FAAH2: variants seen among roughly 807,000 people sequenced by gnomAD.
FAAH2 encodes the protein fatty-acid amide hydrolase 2.
FAAH2 carries 60 observed loss-of-function variants against 36.9 expected under a neutral mutation model. That is an observed-to-expected ratio of 1.63 (90% CI 1.32 to 2.02). The LOEUF (loss-of-function observed/expected upper bound fraction) is 2.02, where lower values mean the gene tolerates loss of function less well. Ranked by LOEUF, FAAH2 falls within the 30% of genes most tolerant of loss-of-function variation. FAAH2 has a pLI of 0.00. For synonymous variants in FAAH2, 214 were observed against 143.8 expected, an observed-to-expected ratio of 1.49 and a Z score of -3.49; for missense variants, 689 against 397.5, an observed-to-expected ratio of 1.73 and a Z score of -6.23.
intron 10 of FAAH2, among the ~76,000 whole-genome samples, chrX:57,467,054 C>T (rs773217204): frequency 9.0e-6 from 1 of 110,993 alleles, no homozygotes; most frequent in East Asian, 2.8e-4. Context: ...ATTTTTGTTA[C>T]CCTCACCACA....
chrX:57,383,873 C>T (rs2054930271), intron 7 of FAAH2, among the ~76,000 whole-genome samples: 1 of 111,724 alleles, frequency 9.0e-6, no homozygotes, highest in Non-Finnish European at 1.9e-5. Flanking sequence ...CAAGTCAATC[C>T]TAAACCAAAA....
chrX:57,448,771 G>A, intron 10 of FAAH2, 53 bp downstream of exon 10: 1 of 1,095,549 alleles, frequency 9.1e-7, no homozygotes, highest in African/African-American at 1.8e-5. Flanking sequence ...AGAGATGTAT[G>A]TTTCCAAGGA....
At chrX:57,476,487 C>T (rs1048540243) in intron 10 of FAAH2, among the ~76,000 whole-genome samples, 4 of 111,295 alleles carry the variant, frequency 3.6e-5, no homozygotes, top group Non-Finnish European at 5.7e-5. Flanking sequence ...TGATGGATTA[C>T]GTTTTGATTT....
intron 8 of FAAH2, among the ~76,000 whole-genome samples, chrX:57,445,122 C>T (rs911841274): frequency 9.0e-6 from 1 of 111,468 alleles, no homozygotes; most frequent in African/African-American, 3.3e-5. Flanking sequence ...TTGGCCCATC[C>T]TTATTGAAAG....
the FAAH2 span, among the ~76,000 whole-genome samples, chrX:57,181,460 C>A: frequency 9.0e-6 from 1 of 110,873 alleles, no homozygotes; most frequent in East Asian, 2.8e-4. Context: ...AGCCAAGAAC[C>A]AAATCAGGAA....
In FAAH2 at chrX:57,405,686, TCTGA is replaced by T. The variant is rs768385805; in HGVS notation, c.996+24661_996+24664del. On this transcript the variant is annotated intron_variant, in intron 7 of 10. Coordinates refer to ENST00000374900, the MANE Select transcript of FAAH2 (RefSeq NM_174912.4). ...TTTTAATTTTTTAAAAAAATTTTTC[TCTGA>T]CTGTGTTAATTTAAAAGAACAGTCT... 2.9e-4 allele frequency among the ~76,000 whole-genome samples: 30 copies of T among 103,113 alleles called. No homozygotes were observed. In the East Asian group the frequency reaches 5.2e-3, roughly 18 times the overall value. 89.5% of individuals were successfully genotyped at this position (103,113 alleles called of 115,157 possible).
the FAAH2 span, among the ~76,000 whole-genome samples, chrX:57,152,916 C>CCA: frequency 2.2e-4 from 24 of 110,373 alleles, no homozygotes; most frequent in African/African-American, 7.4e-4. Flanking sequence ...TGGCTCCCCC[C>CCA]CCGCTGACCT....
chrX:57,420,571 G>A (rs984090634), intron 7 of FAAH2, among the ~76,000 whole-genome samples: 7 of 109,994 alleles, frequency 6.4e-5, no homozygotes, highest in Admixed American at 2.9e-4. Flanking sequence ...CATTGATTTT[G>A]TATCCTGAGA....
rs200935273 is a variant in FAAH2, at chrX:57,418,592, G to A, written c.997-13326G>A. 4.4e-4 allele frequency among the ~76,000 whole-genome samples: 49 copies of A among 110,878 alleles called. No individual in the cohort carries two copies. In the East Asian group the frequency reaches 6.6e-3, roughly 15 times the overall value. Reference sequence around the variant, plus strand: ...CTAACCAGTCCCAATGAGATGAGCCGAGTACCTCGGTTGGAAATGCAGAAA... The same window carrying A: ...CTAACCAGTCCCAATGAGATGAGCCAAGTACCTCGGTTGGAAATGCAGAAA... On this transcript the variant is annotated intron_variant, in intron 7 of 10. Transcript: ENST00000374900.
chrX:57,303,127 T>C (rs1213675356), intron 2 of FAAH2, among the ~76,000 whole-genome samples: 1 of 111,536 alleles, frequency 9.0e-6, no homozygotes, highest in Non-Finnish European at 1.9e-5. Flanking sequence ...TCTCCATCCT[T>C]GGAAAGAACA....
the FAAH2 span, among the ~76,000 whole-genome samples, chrX:57,150,504 C>G: frequency 8.9e-6 from 1 of 112,175 alleles, no homozygotes; most frequent in African/African-American, 3.2e-5. Context: ...GATCCCTTTT[C>G]TATTATGTAA....
chrX:57,295,843 G>A (rs1216802711), intron 2 of FAAH2, among the ~76,000 whole-genome samples: 1 of 112,453 alleles, frequency 8.9e-6, no homozygotes, highest in Non-Finnish European at 1.9e-5. Flanking sequence ...CTACGCCCAC[G>A]GAGCCTCACT....
chrX:57,227,064 TA>T, the FAAH2 span, among the ~76,000 whole-genome samples: 1 of 111,743 alleles, frequency 8.9e-6, no homozygotes, highest in Non-Finnish European at 1.9e-5. Flanking sequence ...CTTTTTGTAT[TA>T]TTTTTTGGAC....
intron 2 of FAAH2, among the ~76,000 whole-genome samples, chrX:57,299,213 G>A (rs936005642): frequency 4.5e-5 from 5 of 111,836 alleles, no homozygotes; most frequent in African/African-American, 1.3e-4. Flanking sequence ...TCAATAAAAT[G>A]CTGGCAAACC....
At chrX:57,488,636 C>A in intron 10 of FAAH2, 121 bp from the exon 11 acceptor site, 1 of 698,897 alleles carries the variant, frequency 1.4e-6, no homozygotes, top group Non-Finnish European at 2.1e-6. Context: ...TTATTAAGTC[C>A]TAAGTAGATA....
Position 57,476,831 on chromosome X carries a change from G to T in FAAH2, c.1424-11926G>T, listed in dbSNP as rs768112301. 2.8e-5 allele frequency among the ~76,000 whole-genome samples: 3 copies of T among 106,961 alleles called. No individual in the cohort carries two copies. The South Asian group carries it at 1.2e-3, about 43-fold the overall frequency. The allele number at this position is 106,961 out of a possible 115,157, so 92.9% of individuals were successfully genotyped here. On this transcript the variant is annotated intron_variant, in intron 10 of 10. Transcript: ENST00000374900. ...TGTCTGGTCCTGGGCTTTTTAAATTGATGTTCTTGGACTTTTTTTTTTTTA... is the reference window on the plus strand; with the variant it reads ...TGTCTGGTCCTGGGCTTTTTAAATTTATGTTCTTGGACTTTTTTTTTTTTA...
At chrX:57,371,637 T>TGG (rs202021824) in intron 5 of FAAH2, among the ~76,000 whole-genome samples, 946 of 90,700 alleles carry the variant, frequency 0.01, 8 homozygotes, top group Non-Finnish European at 0.017. Flanking sequence ...TTCTATTTTT[T>TGG]GGGGGGGGGG....
At chrX:57,356,232 T>C (rs1026545755) in intron 5 of FAAH2, among the ~76,000 whole-genome samples, 1 of 111,126 alleles carries the variant, frequency 9.0e-6, no homozygotes, top group African/African-American at 3.3e-5. Context: ...AGTTTTCTTG[T>C]AGTAACAGTA....
At chrX:57,284,939 T>C (rs2051789640), upstream of FAAH2, among the ~76,000 whole-genome samples, 1 of 112,144 alleles carries the variant, frequency 8.9e-6, no homozygotes, top group African/African-American at 3.2e-5. Context: ...CAGAGCCCAA[T>C]CAGTGAGCAT....
Sources: allele counts gnomAD v4.1 joint callset (sites outside exome capture counted in the v4.1 genomes callset), GRCh38; gene constraint gnomAD v4.1.1; transcripts MANE v1.5; gene names NCBI Gene and HGNC (gene_info 2026-07-23, HGNC 2026-07-21).